SCRG1: variants seen among roughly 807,000 people sequenced by gnomAD.
SCRG1 encodes scrapie-responsive protein 1.
In SCRG1, 3 loss-of-function variants were observed where a neutral mutation model predicts 7.7. The observed-to-expected ratio is 0.39, with a 90% CI of 0.18 to 1.01. SCRG1 has a LOEUF of 1.01. SCRG1 is among the 50% of genes least tolerant of loss of function. The pLI is 0.36. For missense variants in SCRG1, 110 were observed against 117.2 expected, an observed-to-expected ratio of 0.94 and a Z score of 0.28; for synonymous variants, 46 against 41.2, an observed-to-expected ratio of 1.12 and a Z score of -0.44.
the SCRG1 span, among the ~76,000 whole-genome samples, chr4:173,435,974 A>G: frequency 2.6e-5 from 4 of 152,352 alleles, no homozygotes; most frequent in African/African-American, 9.6e-5. Context: ...GAGAAACTGA[A>G]GCAGCCCCTG....
At chr4:173,484,781 A>G in the SCRG1 span, among the ~76,000 whole-genome samples, 1,368 of 77,658 alleles carry the variant, frequency 0.018, 15 homozygotes, top group African/African-American at 0.044. Flanking sequence ...TATATTATAT[A>G]CATGTAATAC....
chr4:173,470,519 C>T, the SCRG1 span, among the ~76,000 whole-genome samples: 7 of 152,266 alleles, frequency 4.6e-5, no homozygotes, highest in African/African-American at 1.4e-4. Context: ...AATCAAATAA[C>T]GAAGACCCAA....
chr4:173,416,534 C>T, the SCRG1 span, among the ~76,000 whole-genome samples: 1 of 152,354 alleles, frequency 6.6e-6, no homozygotes, highest in Admixed American at 6.5e-5. Flanking sequence ...GGGAGGATCG[C>T]TTAAGCCCAG....
the SCRG1 span, among the ~76,000 whole-genome samples, chr4:173,461,629 A>G: frequency 6.6e-6 from 1 of 152,166 alleles, no homozygotes; most frequent in East Asian, 1.9e-4. Context: ...ACTACAATAA[A>G]TACCTAACCC....
intron 1 of SCRG1, among the ~76,000 whole-genome samples, chr4:173,392,024 A>G (rs1204221268): frequency 1.3e-5 from 2 of 152,236 alleles, no homozygotes; most frequent in Non-Finnish European, 2.9e-5. Context: ...TCAGTAGAGA[A>G]CAACTGTTTT....
the SCRG1 span, chr4:173,469,874 C>T: frequency 2.6e-5 from 4 of 152,188 alleles, no homozygotes; most frequent in Admixed American, 6.5e-5. Flanking sequence ...TCCACTAAGA[C>T]GTACATCCTA....
At chr4:173,475,368 C>A in the SCRG1 span, among the ~76,000 whole-genome samples, 1 of 152,178 alleles carries the variant, frequency 6.6e-6, no homozygotes, top group South Asian at 2.1e-4. Flanking sequence ...GGATGCTAAA[C>A]ATTCTGCAAG....
chr4:173,408,140 GA>G (rs1739954710), upstream of SCRG1, among the ~76,000 whole-genome samples: 1 of 152,074 alleles, frequency 6.6e-6, no homozygotes, highest in South Asian at 2.1e-4. Context: ...CTAAACACAT[GA>G]AATATATTAC....
chr4:173,513,363 C>T, the SCRG1 span, among the ~76,000 whole-genome samples: 26 of 152,222 alleles, frequency 1.7e-4, no homozygotes, highest in Non-Finnish European at 3.7e-4. Context: ...TCTGAGTTTA[C>T]ATCATGAAAG....
the SCRG1 span, among the ~76,000 whole-genome samples, chr4:173,501,369 G>T: frequency 6.6e-6 from 1 of 152,330 alleles, no homozygotes; most frequent in African/African-American, 2.4e-5. This position sits in a 1 kb window ranked among gnomAD's most constrained non-coding sequence, Gnocchi z 5.1. Flanking sequence ...GCTCTCGGCC[G>T]CCCCAAAGAT....
the SCRG1 span, among the ~76,000 whole-genome samples, chr4:173,508,113 G>A: frequency 6.6e-6 from 1 of 152,162 alleles, no homozygotes; most frequent in Non-Finnish European, 1.5e-5. The surrounding 1 kb of genome is among the most constrained non-coding windows in gnomAD (Gnocchi z 4.4). Context: ...AAGCCCTGTC[G>A]GCTCCCTCTT....
chr4:173,504,917 T>G, the SCRG1 span, among the ~76,000 whole-genome samples: 2 of 152,192 alleles, frequency 1.3e-5, no homozygotes, highest in Non-Finnish European at 2.9e-5. The surrounding 1 kb of genome is among the most constrained non-coding windows in gnomAD (Gnocchi z 4.7). Context: ...GAGAGAGAAA[T>G]GCATGAATGC....
chr4:173,456,118 T>A, the SCRG1 span, among the ~76,000 whole-genome samples: 3,786 of 152,258 alleles, frequency 0.025, 151 homozygotes, highest in African/African-American at 0.083. Context: ...AGCCTTGACA[T>A]CACAACCACA....
At chr4:173,458,506 A>G in the SCRG1 span, among the ~76,000 whole-genome samples, 26 of 152,360 alleles carry the variant, frequency 1.7e-4, no homozygotes, top group Non-Finnish European at 3.7e-4. Context: ...CTGGCCTTAC[A>G]GGAAATGCTC....
the SCRG1 span, among the ~76,000 whole-genome samples, chr4:173,484,926 A>ATAT: frequency 3.7e-5 from 2 of 53,542 alleles, no homozygotes; most frequent in African/African-American, 7.8e-5. Context: ...TTTAGATATT[A>ATAT]TATATTATAT....
the SCRG1 span, among the ~76,000 whole-genome samples, chr4:173,467,561 C>A: frequency 6.6e-6 from 1 of 152,080 alleles, no homozygotes; most frequent in Non-Finnish European, 1.5e-5. Context: ...GAGAACTTTG[C>A]CAACAACTTA....
the SCRG1 span, among the ~76,000 whole-genome samples, chr4:173,433,201 A>G: frequency 2.6e-5 from 4 of 152,188 alleles, no homozygotes; most frequent in Non-Finnish European, 4.4e-5. Context: ...TGTTCTGAGG[A>G]ATATTATATG....
chr4:173,476,183 C>A, the SCRG1 span, among the ~76,000 whole-genome samples: 1 of 151,084 alleles, frequency 6.6e-6, no homozygotes, highest in South Asian at 2.1e-4. Flanking sequence ...GCCCTTGGTA[C>A]CAAAATTGAA....
the SCRG1 span, among the ~76,000 whole-genome samples, chr4:173,454,107 G>A: frequency 0.04 from 5,997 of 151,524 alleles, 436 homozygotes; most frequent in African/African-American, 0.14. Context: ...CTGACCACTG[G>A]AGGCTGTGCG....
Sources: gnomAD v4.1 joint callset for allele counts (sites outside exome capture counted in the v4.1 genomes callset) on GRCh38, gnomAD v4.1.1 for gene constraint, Gnocchi (gnomAD v3.1) non-coding constraint, MANE v1.5 for transcripts, NCBI Gene and HGNC (gene_info 2026-07-23, HGNC 2026-07-21) for gene names.